GULP1: variants seen among roughly 807,000 people sequenced by gnomAD.
GULP1 encodes PTB domain-containing engulfment adapter protein 1.
Under a neutral mutation model 40.9 loss-of-function variants are expected in GULP1, and 19 were observed. That is an observed-to-expected ratio of 0.46 (90% confidence interval 0.32 to 0.68). GULP1 has a LOEUF of 0.68. Among genes scored for constraint, GULP1 ranks in the 30% least tolerant of loss-of-function variants. The pLI is 0.03. For missense variants in GULP1, 312 were observed against 362.2 expected (o/e 0.86, Z 1.12); for synonymous variants, 119 against 117.6 (o/e 1.01, Z -0.08).
At chr2:188,309,648 T>C (rs1306720568) in intron 1 of GULP1, among the ~76,000 whole-genome samples, 1 of 152,136 alleles carries the variant, frequency 6.6e-6, no homozygotes, top group Non-Finnish European at 1.5e-5. Flanking sequence ...GAGTATCCCA[T>C]AGCTTGTCTG....
At chr2:188,317,429 T>G (rs919772911) in intron 1 of GULP1, among the ~76,000 whole-genome samples, 1 of 152,170 alleles carries the variant, frequency 6.6e-6, no homozygotes, top group Non-Finnish European at 1.5e-5. Flanking sequence ...TAAGAAGCAG[T>G]GACAACCAGA....
intron 2 of GULP1, among the ~76,000 whole-genome samples, chr2:188,410,841 G>C (rs1559209330): frequency 6.6e-6 from 1 of 152,186 alleles, no homozygotes; most frequent in Admixed American, 6.5e-5. Context: ...GACCTTCATG[G>C]AAGGCTGGGA....
intron 1 of GULP1, among the ~76,000 whole-genome samples, chr2:188,381,657 A>G (rs529626860): frequency 3.3e-5 from 5 of 152,338 alleles, no homozygotes; most frequent in East Asian, 1.9e-4. Context: ...TGGAAAAACT[A>G]TATCATCCTA....
intron 1 of GULP1, among the ~76,000 whole-genome samples, chr2:188,329,889 G>A (rs760795523): frequency 3.9e-5 from 6 of 152,150 alleles, no homozygotes; most frequent in Non-Finnish European, 8.8e-5. Flanking sequence ...TAGCAACTGG[G>A]TGGATGGATC....
chr2:188,468,416 A>G (rs952112742), intron 2 of GULP1, among the ~76,000 whole-genome samples: 1 of 152,166 alleles, frequency 6.6e-6, no homozygotes, highest in African/African-American at 2.4e-5. Context: ...GGGAGCTAAT[A>G]TATGTGTCTG....
intron 1 of GULP1, among the ~76,000 whole-genome samples, chr2:188,319,445 C>A (rs549972266): frequency 6.6e-6 from 1 of 152,056 alleles, no homozygotes; most frequent in Non-Finnish European, 1.5e-5. Context: ...AGTGTATATT[C>A]TTTTAACTTG....
chr2:188,432,391 G>A (rs986072089), intron 2 of GULP1, among the ~76,000 whole-genome samples: 1 of 151,454 alleles, frequency 6.6e-6, no homozygotes, highest in African/African-American at 2.4e-5. Flanking sequence ...TTATTTTTCT[G>A]TTAATCATTT....
chr2:188,460,590 C>T (rs977451169), intron 2 of GULP1, among the ~76,000 whole-genome samples: 1 of 152,126 alleles, frequency 6.6e-6, no homozygotes, highest in Non-Finnish European at 1.5e-5. Flanking sequence ...ATCCTTTCAT[C>T]TGCAAATAAA....
intron 6 of GULP1, among the ~76,000 whole-genome samples, chr2:188,531,753 A>G (rs1204168494): frequency 6.6e-6 from 1 of 152,232 alleles, no homozygotes; most frequent in Non-Finnish European, 1.5e-5. Flanking sequence ...TAGCAGTTAC[A>G]TAAAGAACAA....
chr2:188,328,350 G>A (rs2041054170), intron 1 of GULP1, among the ~76,000 whole-genome samples: 1 of 152,044 alleles, frequency 6.6e-6, no homozygotes, highest in Non-Finnish European at 1.5e-5. Context: ...ATCAATAAAT[G>A]AGATTCGTCT....
At chr2:188,447,451 GT>G (rs1365342612) in intron 2 of GULP1, among the ~76,000 whole-genome samples, 1 of 152,008 alleles carries the variant, frequency 6.6e-6, no homozygotes, top group African/African-American at 2.4e-5. Context: ...ATTTTGTTTT[GT>G]TTTTGTTTAC....
chr2:188,532,885 C>A (rs1687933689), intron 6 of GULP1, among the ~76,000 whole-genome samples: 1 of 152,018 alleles, frequency 6.6e-6, no homozygotes, highest in Non-Finnish European at 1.5e-5. Flanking sequence ...CGCGCCACTG[C>A]ACTCCAGCAC....
Position 188,382,694 on chromosome 2 carries a change from TGGCCAACATGG to T in GULP1, c.-171-1068_-171-1058del, listed in dbSNP as rs2049150600. Among the ~76,000 whole-genome samples, 3 of 152,256 alleles carry T rather than the reference TGGCCAACATGG, an allele frequency of 2.0e-5. No homozygotes were observed. In the East Asian group the frequency reaches 5.8e-4, roughly 29 times the overall value. ...TGAGGTCAGGGGTTCGAGACCAGTC[TGGCCAACATGG>T]CGAAACCCCCTCTCTACTAAAAATA... is the stretch of plus-strand genomic sequence containing the variant. On this transcript the variant is annotated intron_variant, in intron 1 of 11. Transcript: ENST00000409830.
At chr2:188,573,124 G>A (rs927669545) in intron 9 of GULP1, among the ~76,000 whole-genome samples, 3 of 152,134 alleles carry the variant, frequency 2.0e-5, no homozygotes, top group African/African-American at 4.8e-5. Context: ...AATGTAAAAT[G>A]TAAATTAATG....
intron 4 of GULP1, among the ~76,000 whole-genome samples, chr2:188,510,270 T>A (rs2064367782): frequency 1.3e-5 from 2 of 152,138 alleles, no homozygotes. Context: ...AGTCAAAAGC[T>A]TAAGTAAGTT....
intron 2 of GULP1, among the ~76,000 whole-genome samples, chr2:188,449,118 A>G (rs2058632372): frequency 6.6e-6 from 1 of 152,256 alleles, no homozygotes; most frequent in Non-Finnish European, 1.5e-5. Context: ...ATCTTGGCAC[A>G]GAATAGGCAC....
intron 1 of GULP1, among the ~76,000 whole-genome samples, chr2:188,315,876 T>A (rs2038997520): frequency 6.6e-6 from 1 of 152,120 alleles, no homozygotes; most frequent in Non-Finnish European, 1.5e-5. Flanking sequence ...ATCTTAATAT[T>A]TTCAGACTGT....
intron 8 of GULP1, 21 bp from the exon 9 acceptor site, chr2:188,570,007 C>A (rs770920774): frequency 6.8e-6 from 6 of 887,260 alleles, no homozygotes; most frequent in East Asian, 2.6e-5. Context: ...GAAAGTTATT[C>A]AATAATGATT....
intron 2 of GULP1, among the ~76,000 whole-genome samples, chr2:188,476,901 T>G (rs974930593): frequency 3.3e-5 from 5 of 152,098 alleles, no homozygotes; most frequent in African/African-American, 1.2e-4. Context: ...TTTGTTGTTG[T>G]TGTTTTTTAC....
Sources: gnomAD v4.1 joint callset for allele counts (sites outside exome capture counted in the v4.1 genomes callset) on GRCh38, gnomAD v4.1.1 for gene constraint, MANE v1.5 for transcripts, NCBI Gene and HGNC (gene_info 2026-07-23, HGNC 2026-07-21) for gene names.